Variants in DNM3 observed in about 807,000 individuals in gnomAD.
DNM3 encodes dynamin-3.
DNM3 carries 47 observed loss-of-function variants against 101.6 expected under a neutral mutation model. The observed-to-expected ratio is 0.46, with a 90% CI of 0.37 to 0.59. The LOEUF (loss-of-function observed/expected upper bound fraction) is 0.59. Ranked by LOEUF, DNM3 falls within the 20% of genes least tolerant of loss-of-function variation. The probability of loss-of-function intolerance (pLI) is 0.00; values close to 1 mark genes in which losing one functional copy is unlikely to be tolerated. For missense variants in DNM3, 849 were observed against 1,085.7 expected, an observed-to-expected ratio of 0.78 and a Z score of 3.06; for synonymous variants, 385 against 387.9, an observed-to-expected ratio of 0.99 and a Z score of 0.09.
intron 14 of DNM3, among the ~76,000 whole-genome samples, chr1:172,244,537 G>A (rs1573107702): frequency 6.6e-6 from 1 of 151,762 alleles, no homozygotes; most frequent in African/African-American, 2.4e-5. Context: ...ATCAAAAAGT[G>A]GGCAAAGGAC....
chr1:171,865,458 G>C (rs1463015519), intron 1 of DNM3, among the ~76,000 whole-genome samples: 1 of 149,302 alleles, frequency 6.7e-6, no homozygotes, highest in African/African-American at 2.5e-5. Context: ...CGAGGCTGCG[G>C]TGAGCCATGA....
At chr1:172,402,968 G>T (rs2149117191) in intron 20 of DNM3, among the ~76,000 whole-genome samples, 1 of 152,312 alleles carries the variant, frequency 6.6e-6, no homozygotes, top group African/African-American at 2.4e-5. Context: ...CCCAGGACCA[G>T]CAGCATCTGG....
At chr1:172,249,965 A>G (rs10911394) in intron 14 of DNM3, among the ~76,000 whole-genome samples, 25,125 of 152,098 alleles carry the variant, frequency 0.17, 2,425 homozygotes, top group East Asian at 0.24. Flanking sequence ...TTAAACAACT[A>G]TATTGTGTAA....
intron 6 of DNM3, among the ~76,000 whole-genome samples, chr1:172,035,607 T>C (rs564766579): frequency 2.0e-5 from 3 of 152,308 alleles, no homozygotes; most frequent in African/African-American, 7.2e-5. Context: ...GCAGTATTGC[T>C]TTGCTCTGGA....
At chr1:172,079,321 T>G (rs1209251595) in intron 11 of DNM3, among the ~76,000 whole-genome samples, 1 of 152,168 alleles carries the variant, frequency 6.6e-6, no homozygotes, top group Non-Finnish European at 1.5e-5. Context: ...TCTTTCCTTT[T>G]CATTCTTTTT....
At chr1:172,223,302 C>A (rs566718983) in intron 14 of DNM3, among the ~76,000 whole-genome samples, 29 of 147,128 alleles carry the variant, frequency 2.0e-4, no homozygotes, top group African/African-American at 7.0e-4. Context: ...ATCAACAGAA[C>A]CTCATCAAAT....
chr1:171,976,555 T>C (rs1343065738), intron 2 of DNM3, among the ~76,000 whole-genome samples: 1 of 152,138 alleles, frequency 6.6e-6, no homozygotes, highest in African/African-American at 2.4e-5. Flanking sequence ...ACTGGGTCCC[T>C]CCCATGACAT....
At chr1:172,352,749 G>A (rs910734060) in intron 17 of DNM3, among the ~76,000 whole-genome samples, 7 of 152,074 alleles carry the variant, frequency 4.6e-5, no homozygotes, top group African/African-American at 1.7e-4. Context: ...ACAGCTCAAA[G>A]CAATCAATAC....
At chr1:172,161,382 C>T (rs1036958342) in intron 14 of DNM3, among the ~76,000 whole-genome samples, 2 of 151,758 alleles carry the variant, frequency 1.3e-5, no homozygotes, top group Non-Finnish European at 2.9e-5. Flanking sequence ...CATTATGAGA[C>T]ACTTATTAAG....
At chr1:172,287,805 G>GCACACA (rs3078985) in intron 15 of DNM3, among the ~76,000 whole-genome samples, 19 of 144,136 alleles carry the variant, frequency 1.3e-4, no homozygotes, top group East Asian at 4.0e-4. Flanking sequence ...ATATACACAT[G>GCACACA]CACACACACA....
At chr1:171,907,265 G>A (rs1246631652) in intron 1 of DNM3, among the ~76,000 whole-genome samples, 1 of 152,202 alleles carries the variant, frequency 6.6e-6, no homozygotes, top group Non-Finnish European at 1.5e-5. Context: ...GCTGAGGCGG[G>A]CAGATCACCT....
At chr1:172,341,210 C>T (rs183658642) in intron 17 of DNM3, among the ~76,000 whole-genome samples, 11 of 152,174 alleles carry the variant, frequency 7.2e-5, no homozygotes, top group African/African-American at 2.4e-4. Flanking sequence ...ATGAGAATTA[C>T]AAAACACTGC....
At chr1:172,301,958 G>A (rs886105837) in intron 15 of DNM3, among the ~76,000 whole-genome samples, 6 of 152,156 alleles carry the variant, frequency 3.9e-5, no homozygotes, top group Admixed American at 1.3e-4. Flanking sequence ...AGCTCCCAGC[G>A]TGATCTACTC....
intron 20 of DNM3, among the ~76,000 whole-genome samples, chr1:172,396,145 C>G (rs780673871): frequency 1.3e-5 from 2 of 152,184 alleles, no homozygotes; most frequent in African/African-American, 4.8e-5. Flanking sequence ...TATTTTTTAA[C>G]TATTCCCATA....
chr1:172,272,001 A>G (rs1289315125), intron 15 of DNM3, among the ~76,000 whole-genome samples: 1 of 152,130 alleles, frequency 6.6e-6, no homozygotes, highest in Non-Finnish European at 1.5e-5. Flanking sequence ...AAATAGTGTC[A>G]GTTGTTTTCC....
intron 14 of DNM3, among the ~76,000 whole-genome samples, chr1:172,234,078 T>C (rs2061442314): frequency 6.6e-6 from 1 of 152,032 alleles, no homozygotes; most frequent in African/African-American, 2.4e-5. Flanking sequence ...GGGTATTCAA[T>C]TAGGAAAAGA....
chr1:171,867,500 G>C (rs2034872722), intron 1 of DNM3, among the ~76,000 whole-genome samples: 1 of 152,166 alleles, frequency 6.6e-6, no homozygotes, highest in Non-Finnish European at 1.5e-5. Context: ...GCATTCCATG[G>C]GGAGATGCAG....
intron 15 of DNM3, among the ~76,000 whole-genome samples, chr1:172,306,708 G>C (rs1260697149): frequency 2.0e-5 from 3 of 152,026 alleles, no homozygotes; most frequent in African/African-American, 7.2e-5. Flanking sequence ...CAGAACAGAG[G>C]CCTCAGCAAT....
intron 13 of DNM3, among the ~76,000 whole-genome samples, chr1:172,100,369 T>C (rs2147872657): frequency 6.6e-6 from 1 of 152,304 alleles, no homozygotes; most frequent in African/African-American, 2.4e-5. Flanking sequence ...TCTCAGAAAA[T>C]TATAAATGGA....
Sources: allele counts gnomAD v4.1 joint callset (sites outside exome capture counted in the v4.1 genomes callset), GRCh38; gene constraint gnomAD v4.1.1; transcripts MANE v1.5; gene names NCBI Gene and HGNC (gene_info 2026-07-23, HGNC 2026-07-21).